The following ZNF75D variants were observed in gnomAD, a reference collection of about 807,000 sequenced individuals.
ZNF75D encodes zinc finger protein 75D, also known as zinc finger protein 75.
A neutral mutation model predicts 33.3 loss-of-function variants in ZNF75D; 33 were observed. That is an observed-to-expected ratio of 0.99 (90% CI 0.75 to 1.32). The LOEUF (loss-of-function observed/expected upper bound fraction) is 1.32. Ranked by LOEUF, ZNF75D falls within the 40% of genes most tolerant of loss-of-function variation. The pLI, the probability that ZNF75D is intolerant of heterozygous loss-of-function variation, is 0.00. For missense variants in ZNF75D, 338 were observed against 367.5 expected (o/e 0.92, Z 0.66); for synonymous variants, 113 against 130.6 (o/e 0.87, Z 0.92).
chrX:135,311,927 AT>A (rs1383376516), intron 1 of ZNF75D, among the ~76,000 whole-genome samples: 1 of 112,056 alleles, frequency 8.9e-6, no homozygotes, highest in East Asian at 2.8e-4. Flanking sequence ...AGCATGGACT[AT>A]GTAATGATCA....
At chrX:135,341,222 A>G (rs782329003) in intron 1 of ZNF75D, among the ~76,000 whole-genome samples, 58 of 111,993 alleles carry the variant, frequency 5.2e-4, no homozygotes, top group Non-Finnish European at 9.6e-4. Flanking sequence ...AACCCTATGA[A>G]TAAAGAAGGA....
intron 3 of ZNF75D, among the ~76,000 whole-genome samples, 176 bp from the exon 4 acceptor site, chrX:135,292,649 C>G (rs1182956371): frequency 2.7e-5 from 3 of 112,100 alleles, no homozygotes; most frequent in Non-Finnish European, 5.6e-5. Flanking sequence ...TACTCAAAAT[C>G]TGGGATAATT....
At chrX:135,320,291 TCA>T (rs1491171234) in intron 1 of ZNF75D, among the ~76,000 whole-genome samples, 1 of 94,808 alleles carries the variant, frequency 1.1e-5, no homozygotes, top group Non-Finnish European at 2.1e-5. Flanking sequence ...AGACTCCATC[TCA>T]AAAAAAAAAA....
chrX:135,277,321 C>T (rs2148463734), intron 1 of ZNF75D, among the ~76,000 whole-genome samples: 1 of 112,263 alleles, frequency 8.9e-6, no homozygotes, highest in South Asian at 3.7e-4. Flanking sequence ...CCTTCACCCA[C>T]TTTTTGATGA....
chrX:135,296,788 T>C (rs1198126975), intron 1 of ZNF75D, among the ~76,000 whole-genome samples: 5 of 112,233 alleles, frequency 4.5e-5, no homozygotes, highest in Non-Finnish European at 9.4e-5. Flanking sequence ...TGGTATGACA[T>C]GACATGACTT....
rs1476046477 is a variant in ZNF75D at position 135,287,028 on chromosome X, A to C, written c.*109T>G. 4.6e-6 allele frequency: 3 copies of C among 655,999 alleles called. No homozygotes were observed. Among genetic ancestry groups the C allele is most frequent in the Non-Finnish European group, 7.1e-6 (3 of 423,826 alleles). The allele number at this position is 655,999 out of a possible 1,213,427, so 54.1% of individuals were successfully genotyped here. On this transcript the variant is annotated 3_prime_UTR_variant, in exon 7 of 7. Coordinates refer to ENST00000370766, the MANE Select transcript of ZNF75D (RefSeq NM_007131.5). Reference sequence around the variant, plus strand: ...TAGATTCCTTTTTGTGAAGTGTAACATGTACCCTTCCCAAATGTTTTATTA... The same window carrying C: ...TAGATTCCTTTTTGTGAAGTGTAACCTGTACCCTTCCCAAATGTTTTATTA...
In ZNF75D at chrX:135,340,773, G is replaced by T. The variant is rs1245519484; in HGVS notation, c.-391+995C>A. Among the ~76,000 whole-genome samples the T allele has an allele frequency of 2.7e-5, 3 of 111,970 alleles. No individual in the cohort carries two copies. In the Admixed American group the frequency reaches 2.8e-4, roughly 11 times the overall value. On this transcript the variant is annotated intron_variant, in intron 1 of 6. Coordinates refer to ENST00000370766, the MANE Select transcript of ZNF75D (RefSeq NM_007131.5). ...AGGGTCCAAAAAACATACGTCTCGT[G>T]ACTGAGAAACAGATTTGTGAGAGGA...
intron 1 of ZNF75D, among the ~76,000 whole-genome samples, chrX:135,278,833 T>A (rs1474592551): frequency 8.9e-6 from 1 of 112,156 alleles, no homozygotes; most frequent in Non-Finnish European, 1.9e-5. Flanking sequence ...ATCCCAGGGA[T>A]GAAGCTGACT....
downstream of ZNF75D, among the ~76,000 whole-genome samples, chrX:135,282,500 T>A (rs973869116): frequency 4.5e-5 from 5 of 111,300 alleles, no homozygotes; most frequent in Admixed American, 1.9e-4. Flanking sequence ...GAGTGAAAAG[T>A]TCTGTCTTGC....
At chrX:135,260,651 C>G (rs2083835960) in intron 1 of ZNF75D, among the ~76,000 whole-genome samples, 1 of 111,493 alleles carries the variant, frequency 9.0e-6, no homozygotes, top group South Asian at 3.7e-4. Flanking sequence ...TCCCCTTTAT[C>G]ATTATATTTT....
At position 135,333,700 on chromosome X, in the gene ZNF75D, C is replaced by T. The variant is rs782099336; in HGVS notation, c.-391+8068G>A. Among the ~76,000 whole-genome samples, 69 of 111,828 alleles carry T rather than the reference C, an allele frequency of 6.2e-4. 1 individual carries two copies. Among genetic ancestry groups the T allele is most frequent in the Admixed American group, 3.5e-3 (37 of 10,573 alleles). On this transcript the variant is annotated intron_variant, in intron 1 of 6. Coordinates refer to ENST00000370766, the MANE Select transcript of ZNF75D (RefSeq NM_007131.5). ...ATCATGGGATGGACAAAGAATAGATCATCCCACCTACCTTCCCGCAAAACA... is the reference window on the plus strand; with the variant it reads ...ATCATGGGATGGACAAAGAATAGATTATCCCACCTACCTTCCCGCAAAACA...
At position 135,326,783 on chromosome X, in the gene ZNF75D, C is replaced by T. The variant is rs1465343523; in HGVS notation, c.-391+14985G>A. On this transcript the variant is annotated intron_variant, in intron 1 of 6. Coordinates refer to ENST00000370766, the MANE Select transcript of ZNF75D (RefSeq NM_007131.5). The stretch of plus-strand genomic sequence containing the variant: ...GCGCTGCCTTAAGAGCTGTAACACT[C>T]ACCGCGAAGGTCTGCAGCTTCACTC... Among the ~76,000 whole-genome samples, 6 of 111,255 alleles carry T rather than the reference C, an allele frequency of 5.4e-5. No homozygotes were observed. In the East Asian group the frequency reaches 1.7e-3, roughly 31 times the overall value.
chrX:135,282,248 G>C (rs1044365833), downstream of ZNF75D, among the ~76,000 whole-genome samples: 2 of 111,866 alleles, frequency 1.8e-5, no homozygotes, highest in Non-Finnish European at 1.9e-5. Context: ...GCTGTGGTGG[G>C]CTCTGCCGAG....
chrX:135,318,691 C>G (rs1174751026), intron 1 of ZNF75D, among the ~76,000 whole-genome samples: 2 of 110,623 alleles, frequency 1.8e-5, no homozygotes, highest in Non-Finnish European at 3.8e-5. Context: ...AAACATATTC[C>G]AGACAAAAGA....
intron 1 of ZNF75D, among the ~76,000 whole-genome samples, chrX:135,325,322 G>A (rs782389299): frequency 6.4e-4 from 70 of 109,683 alleles, no homozygotes; most frequent in African/African-American, 2.3e-3. Flanking sequence ...GCTTGCTCTC[G>A]GCGCCTCCTC....
intron 1 of ZNF75D, among the ~76,000 whole-genome samples, chrX:135,263,530 C>T (rs1234526058): frequency 8.9e-6 from 1 of 112,859 alleles, no homozygotes; most frequent in Admixed American, 9.3e-5. Context: ...ATGGCGGACG[C>T]CCCTCCCCTA....
At position 135,343,448 on chromosome X, in the gene ZNF75D, CAA is replaced by C. The variant is rs2084809526; in HGVS notation, c.-2073_-2072del. 7.4e-6 allele frequency: 1 copy of C among 134,518 alleles called. No homozygotes were observed. The highest frequency in any genetic ancestry group is 3.2e-5 in the African/African-American group (1 of 31,563). The allele number at this position is 134,518 out of a possible 1,213,427, so 11.1% of individuals were successfully genotyped here. On this transcript the variant is annotated 5_prime_UTR_variant, in exon 1 of 7. The change abolishes the stop of an existing upstream ORF in the 5' untranslated region. Coordinates refer to ENST00000370766, the MANE Select transcript of ZNF75D (RefSeq NM_007131.5). The stretch of plus-strand genomic sequence containing the variant: ...CTGCTCCATGGAGCGCATCTCAGGC[CAA>C]AGTCACCCATGGCGAAACTCCCATG...
chrX:135,260,218 G>T (rs1404432230), intron 1 of ZNF75D, among the ~76,000 whole-genome samples: 1 of 111,950 alleles, frequency 8.9e-6, no homozygotes, highest in Admixed American at 9.5e-5. Flanking sequence ...GAGGATTTTC[G>T]CATAGATGTT....
chrX:135,328,832 GT>G (rs2084615585), intron 1 of ZNF75D, among the ~76,000 whole-genome samples: 1 of 111,818 alleles, frequency 8.9e-6, no homozygotes, highest in Non-Finnish European at 1.9e-5. Context: ...TGGGTTTTTG[GT>G]TTTGGATGAC....
Sources: gnomAD v4.1 joint callset for allele counts (sites outside exome capture counted in the v4.1 genomes callset) on GRCh38, gnomAD v4.1.1 for gene constraint, MANE v1.5 for transcripts, NCBI Gene and HGNC (gene_info 2026-07-23, HGNC 2026-07-21) for gene names.